ZNF462: variants seen among roughly 807,000 people sequenced by gnomAD.
ZNF462 encodes zinc finger protein 462.
A neutral mutation model predicts 201.9 loss-of-function variants in ZNF462; 10 were observed. The observed-to-expected ratio is 0.05, with a 90% CI of 0.03 to 0.08. The LOEUF is 0.08. ZNF462 is among the 10% of genes least tolerant of loss of function. The pLI, the probability that ZNF462 is intolerant of heterozygous loss-of-function variation, is 1.00. For synonymous variants in ZNF462, 1,227 were observed against 1,193.3 expected (o/e 1.03, Z -0.58); for missense variants, 2,523 against 3,168.3 (o/e 0.80, Z 4.89).
chr9:106,928,464 A>C lies in ZNF462; in HGVS notation c.4552A>C (p.Arg1518=). The change falls in exon 3 of 13, where the codon AGG becomes CGG. Residue 1518 remains arginine, a synonymous_variant. Transcript: ENST00000277225. The surrounding 1 kb of genome is among the most constrained non-coding windows in gnomAD (Gnocchi z 9.3). ...CAACCCAGGTGCCGTCTACAAATGC[A>C]GGCATTGCCCATACATCAACACCCG... ...DINPGAVYKC[R]HCPYINTRIH... 6.2e-7 allele frequency: 1 copy of C among 1,614,166 alleles called. No individual in the cohort carries two copies. Among genetic ancestry groups the C allele is most frequent in the Non-Finnish European group, 8.5e-7 (1 of 1,180,034 alleles).
chr9:106,921,040 G>T (rs1829970059), intron 1 of ZNF462, among the ~76,000 whole-genome samples: 1 of 152,064 alleles, frequency 6.6e-6, no homozygotes, highest in Non-Finnish European at 1.5e-5. Context: ...CTGTTGGCAG[G>T]GTCTGCTGAT....
chr9:107,003,534 C>G lies in ZNF462; in HGVS notation c.7189+108C>G. 1.8e-5 allele frequency: 26 copies of G among 1,411,566 alleles called. No individual in the cohort carries two copies. Among genetic ancestry groups the G allele is most frequent in the Non-Finnish European group, 2.4e-5 (25 of 1,056,244 alleles). The allele number at this position is 1,411,566 out of a possible 1,614,324, so 87.4% of individuals were successfully genotyped here. ...AGGAGTAACAGAAGGAATGATCCTT[C>G]TTAGTTAAGTAGCAGAACAGACTGA... On this transcript the variant is annotated intron_variant, in intron 11 of 12. Coordinates refer to ENST00000277225, the MANE Select transcript of ZNF462 (RefSeq NM_021224.6). The surrounding 1 kb of genome is among the most constrained non-coding windows in gnomAD (Gnocchi z 4.4).
intron 1 of ZNF462, among the ~76,000 whole-genome samples, chr9:106,908,937 ATATATTTTTTTTTTTTTTTTTTT>A (rs1829415674): frequency 3.3e-5 from 1 of 30,474 alleles, no homozygotes; most frequent in East Asian, 8.7e-4. Flanking sequence ...ATATATATAT[ATATATTTTTTTTTTTTTTTTTTT>A]TTTTTTTTTT....
Position 107,012,996 on chromosome 9 carries a change from A to G in ZNF462, c.*1966A>G, listed in dbSNP as rs980170773. ...GGGGAAAGTGTGAACTATCCAGACAAAGATTCATTTTGTGTCTATATTTGT... is the reference window on the plus strand; with the variant it reads ...GGGGAAAGTGTGAACTATCCAGACAGAGATTCATTTTGTGTCTATATTTGT... On this transcript the variant is annotated 3_prime_UTR_variant, in exon 13 of 13. Transcript: ENST00000277225. The G allele has an allele frequency of 3.3e-5, 5 of 152,110 alleles. No individual in the cohort carries two copies. Among genetic ancestry groups the G allele is most frequent in the Non-Finnish European group, 7.4e-5 (5 of 68,004 alleles). The allele number at this position is 152,110 out of a possible 1,614,324, so 9.4% of individuals were successfully genotyped here.
chr9:106,860,431 C>G (rs1391630680), upstream of ZNF462, among the ~76,000 whole-genome samples: 1 of 152,098 alleles, frequency 6.6e-6, no homozygotes, highest in Non-Finnish European at 1.5e-5. This position sits in a 1 kb window ranked among gnomAD's most constrained non-coding sequence, Gnocchi z 7.1. Context: ...GCCTTGGAAA[C>G]CCAAGGTTTC....
rs922321201 is a variant in ZNF462 at position 106,932,209 on chromosome 9, A to G, written c.6013-237A>G. The G allele has an allele frequency of 2.6e-6, 4 of 1,543,420 alleles. No individual in the cohort carries two copies. The highest frequency in any genetic ancestry group is 3.5e-6 in the Non-Finnish European group (4 of 1,145,374). ...GAGAAAAAGAAAGCTGGAGGCAATGATGATGGATATTTATTTTGTTGGTGG... is the reference window on the plus strand; with the variant it reads ...GAGAAAAAGAAAGCTGGAGGCAATGGTGATGGATATTTATTTTGTTGGTGG... On this transcript the variant is annotated intron_variant, in intron 4 of 12. Coordinates refer to ENST00000277225, the MANE Select transcript of ZNF462 (RefSeq NM_021224.6). This position sits in a 1 kb window ranked among gnomAD's most constrained non-coding sequence, Gnocchi z 6.8.
At chr9:106,973,308 A>C (rs1826734458) in intron 8 of ZNF462, among the ~76,000 whole-genome samples, 1 of 151,842 alleles carries the variant, frequency 6.6e-6, no homozygotes, top group Non-Finnish European at 1.5e-5. Context: ...TCATGTCCAA[A>C]GAAAAAGAAG....
intron 1 of ZNF462, among the ~76,000 whole-genome samples, chr9:106,879,481 C>T (rs1290442642): frequency 6.6e-6 from 1 of 152,032 alleles, no homozygotes; most frequent in Non-Finnish European, 1.5e-5. Context: ...CAGAGTAAAC[C>T]ACATTCCACA....
intron 9 of ZNF462, among the ~76,000 whole-genome samples, chr9:106,983,161 A>C (rs1164671320): frequency 6.6e-6 from 1 of 152,224 alleles, no homozygotes; most frequent in African/African-American, 2.4e-5. Flanking sequence ...CTCTGGGCAG[A>C]CTGGTGTGAA....
At chr9:107,004,731 A>C (rs1337347356) in intron 11 of ZNF462, among the ~76,000 whole-genome samples, 1 of 152,178 alleles carries the variant, frequency 6.6e-6, no homozygotes, top group Non-Finnish European at 1.5e-5. Context: ...TGGTGAGAAC[A>C]CTTAAAATCT....
At chr9:106,979,939 G>A (rs1047928975) in intron 9 of ZNF462, among the ~76,000 whole-genome samples, 2 of 152,122 alleles carry the variant, frequency 1.3e-5, no homozygotes, top group Non-Finnish European at 1.5e-5. Flanking sequence ...GACAAATGCC[G>A]CATTTAACTG....
chr9:106,870,499 T>G lies in ZNF462; in HGVS notation c.-31+7144T>G, dbSNP rs1374809219. 6.6e-6 allele frequency among the ~76,000 whole-genome samples: 1 copy of G among 152,178 alleles called. No individual in the cohort carries two copies. The highest frequency in any genetic ancestry group is 1.5e-5 in the Non-Finnish European group (1 of 68,048). On this transcript the variant is annotated intron_variant, in intron 1 of 12. Transcript: ENST00000277225. The surrounding 1 kb of genome is among the most constrained non-coding windows in gnomAD (Gnocchi z 4.3). ...GAAAGGAAGTTTGACAGGTACTTAT[T>G]TGTTCAAAAAATAAATACTTGAAGA...
intron 10 of ZNF462, among the ~76,000 whole-genome samples, chr9:106,987,985 T>C (rs1298617740): frequency 6.6e-6 from 1 of 152,210 alleles, no homozygotes; most frequent in African/African-American, 2.4e-5. Flanking sequence ...TATTTGGGTA[T>C]ATTTCTGGGT....
chr9:106,928,198 G>A lies in ZNF462; in HGVS notation c.4286G>A (p.Cys1429Tyr). 8 of 1,614,126 alleles carry A rather than the reference G, an allele frequency of 5.0e-6. No individual in the cohort carries two copies. Among genetic ancestry groups the A allele is most frequent in the Non-Finnish European group, 6.8e-6 (8 of 1,180,028 alleles). Residue 1429 changes from cysteine to tyrosine, a missense_variant, in exon 3 of 13, where the codon TGT becomes TAT. Physicochemically the swap from Cys to Tyr is radical, Grantham distance 194. Around this residue, in one of 15 missense-constraint regions of ZNF462, gnomAD observed 165 missense variants for 142.6 expected, o/e 1.16. Transcript: ENST00000277225. This position sits in a 1 kb window ranked among gnomAD's most constrained non-coding sequence, Gnocchi z 9.3. ...SSEELAGPVN[C>Y]ENSIPTPFPE... ...GAAGAGTTGGCAGGCCCTGTGAATTGTGAAAACAGTATACCCACCCCTTTC... is the reference window on the plus strand; with the variant it reads ...GAAGAGTTGGCAGGCCCTGTGAATTATGAAAACAGTATACCCACCCCTTTC...
At position 107,012,732 on chromosome 9, in the gene ZNF462, C is replaced by CTTTTTTTTT. The variant is rs1829993725; in HGVS notation, c.*1704_*1705insTTTTTTTTT. ...TCATGTTTTTTTTTTTTTTTTTTTACTTGGAAGGGTTGTGGGAGGGTGGGA... is the reference window on the plus strand; with the variant it reads ...TCATGTTTTTTTTTTTTTTTTTTTACTTTTTTTTTTTGGAAGGGTTGTGGGAGGGTGGGA... On this transcript the variant is annotated 3_prime_UTR_variant, in exon 13 of 13. Coordinates refer to ENST00000277225, the MANE Select transcript of ZNF462 (RefSeq NM_021224.6). The CTTTTTTTTT allele has an allele frequency of 4.6e-5, 1 of 21,826 alleles. No individual in the cohort carries two copies. Among genetic ancestry groups the CTTTTTTTTT allele is most frequent in the Non-Finnish European group, 8.9e-5 (1 of 11,248 alleles). 1.4% of individuals were successfully genotyped at this position (21,826 alleles called of 1,614,324 possible).
intron 1 of ZNF462, among the ~76,000 whole-genome samples, chr9:106,912,367 G>C (rs1041341135): frequency 1.3e-5 from 2 of 152,150 alleles, no homozygotes; most frequent in African/African-American, 2.4e-5. Flanking sequence ...CACACTGCTT[G>C]CATGCCTAAG....
At position 106,954,929 on chromosome 9, in the gene ZNF462, G is replaced by C. The variant is rs1377730566; in HGVS notation, c.6427+15822G>C. 6.6e-6 allele frequency among the ~76,000 whole-genome samples: 1 copy of C among 152,110 alleles called. No individual in the cohort carries two copies. The highest frequency in any genetic ancestry group is 1.9e-4 in the East Asian group (1 of 5,180). On this transcript the variant is annotated intron_variant, in intron 7 of 12. Coordinates refer to ENST00000277225, the MANE Select transcript of ZNF462 (RefSeq NM_021224.6). The surrounding 1 kb of genome is among the most constrained non-coding windows in gnomAD (Gnocchi z 4.0). ...ATAAGGCTGCTTCCTTCCTAGAGTA[G>C]ATGTCCTGTAAATGTAAAATGAAAA...
At chr9:106,864,883 A>G (rs1827264262) in intron 1 of ZNF462, among the ~76,000 whole-genome samples, 1 of 152,120 alleles carries the variant, frequency 6.6e-6, no homozygotes, top group South Asian at 2.1e-4. Flanking sequence ...CTGGGAACTG[A>G]GTCAGGTAAG....
Position 107,006,678 on chromosome 9 carries a change from C to G in ZNF462, c.7190-2867C>G, listed in dbSNP as rs1829568827. ...CTTTTCCTGACTTGCACTCACCCTC[C>G]TACCATGATGCCAGGGCTAAAGACT... On this transcript the variant is annotated intron_variant, in intron 11 of 12. Coordinates refer to ENST00000277225, the MANE Select transcript of ZNF462 (RefSeq NM_021224.6). This position sits in a 1 kb window ranked among gnomAD's most constrained non-coding sequence, Gnocchi z 4.3. Among the ~76,000 whole-genome samples, 3 of 152,050 alleles carry G rather than the reference C, an allele frequency of 2.0e-5. No individual in the cohort carries two copies. The South Asian group carries it at 6.2e-4, about 32-fold the overall frequency.
Sources: allele counts gnomAD v4.1 joint callset (sites outside exome capture counted in the v4.1 genomes callset), GRCh38; gene constraint gnomAD v4.1.1; regional missense constraint gnomAD v4.1.1; non-coding constraint Gnocchi (gnomAD v3.1); transcripts MANE v1.5; gene names NCBI Gene and HGNC (gene_info 2026-07-23, HGNC 2026-07-21).